CIMIP5: variants seen among roughly 807,000 people sequenced by gnomAD.
CIMIP5 encodes uncharacterized protein C2orf50.
At chr2:11,154,353 TTTTTTTCCATA>T in the CIMIP5 span, among the ~76,000 whole-genome samples, 1 of 152,132 alleles carries the variant, frequency 6.6e-6, no homozygotes, top group Non-Finnish European at 1.5e-5. Context: ...CACCTGTTTT[TTTTTTTCCATA>T]GGCGGAGGTG....
chr2:11,137,538 C>A, the CIMIP5 span, among the ~76,000 whole-genome samples: 1 of 152,140 alleles, frequency 6.6e-6, no homozygotes, highest in South Asian at 2.1e-4. Context: ...AGAAACTGAA[C>A]AAGAAGGTCC....
the CIMIP5 span, chr2:11,133,342 G>A: frequency 2.2e-4 from 354 of 1,581,784 alleles, no homozygotes; most frequent in Non-Finnish European, 3.0e-4. Context: ...ACCATGGGGA[G>A]CCACCCCACC....
chr2:11,152,511 A>G, the CIMIP5 span, among the ~76,000 whole-genome samples: 4 of 152,242 alleles, frequency 2.6e-5, no homozygotes, highest in African/African-American at 4.8e-5. Context: ...GGTGGTTTCA[A>G]TGAGACTCCT....
the CIMIP5 span, among the ~76,000 whole-genome samples, chr2:11,137,382 A>C: frequency 3.7e-3 from 557 of 150,776 alleles, 2 homozygotes; most frequent in African/African-American, 0.013. Context: ...TCAAAAAAAA[A>C]CAAAAAACAA....
the CIMIP5 span, chr2:11,143,869 G>T: frequency 2.8e-6 from 4 of 1,443,592 alleles, no homozygotes; most frequent in Non-Finnish European, 3.7e-6. Context: ...CCCATTCTAA[G>T]GTCCTCCTTT....
chr2:11,143,957 T>A, the CIMIP5 span: 2 of 1,603,308 alleles, frequency 1.2e-6, no homozygotes, highest in South Asian at 2.3e-5. Flanking sequence ...CCAGACCATG[T>A]GCCTCTCTTT....
the CIMIP5 span, among the ~76,000 whole-genome samples, chr2:11,149,273 T>G: frequency 6.8e-6 from 1 of 148,130 alleles, no homozygotes; most frequent in African/African-American, 2.5e-5. Flanking sequence ...TGTGGTTCAC[T>G]GAGGACAACG....
the CIMIP5 span, chr2:11,146,621 G>A: frequency 6.6e-6 from 1 of 152,236 alleles, no homozygotes; most frequent in Admixed American, 6.5e-5. Flanking sequence ...ACTGTGTGAT[G>A]GAGCAGACCA....
chr2:11,144,657 C>G, the CIMIP5 span: 1 of 143,098 alleles, frequency 7.0e-6, no homozygotes. Flanking sequence ...GGGGAAGAAT[C>G]TATTTCCACA....
At chr2:11,143,012 A>AC in the CIMIP5 span, among the ~76,000 whole-genome samples, 2 of 152,178 alleles carry the variant, frequency 1.3e-5, no homozygotes, top group Admixed American at 1.3e-4. Flanking sequence ...CCATCAGATT[A>AC]CATTTAGTCA....
chr2:11,146,618 G>A, the CIMIP5 span: 1 of 152,282 alleles, frequency 6.6e-6, no homozygotes, highest in Non-Finnish European at 1.5e-5. Flanking sequence ...GCGACTGTGT[G>A]ATGGAGCAGA....
chr2:11,135,666 G>T, the CIMIP5 span, among the ~76,000 whole-genome samples: 1,052 of 47,400 alleles, frequency 0.022, 11 homozygotes, highest in African/African-American at 0.093. Context: ...GGGTTTTTTT[G>T]GTTTTTTTTT....
chr2:11,137,182 G>A, the CIMIP5 span, among the ~76,000 whole-genome samples: 20 of 152,170 alleles, frequency 1.3e-4, no homozygotes, highest in Non-Finnish European at 4.4e-5. Context: ...AGACTAGCCT[G>A]GCCAACATGG....
chr2:11,133,394 C>A, the CIMIP5 span: 5 of 1,612,350 alleles, frequency 3.1e-6, no homozygotes, highest in Admixed American at 8.3e-5. Context: ...ACCGATTGCC[C>A]CCCACCAGGC....
At chr2:11,150,661 G>T in the CIMIP5 span, among the ~76,000 whole-genome samples, 2 of 151,420 alleles carry the variant, frequency 1.3e-5, no homozygotes, top group Non-Finnish European at 2.9e-5. Flanking sequence ...TAATGAAGGT[G>T]GGGGAATGGC....
the CIMIP5 span, among the ~76,000 whole-genome samples, chr2:11,138,879 T>C: frequency 6.6e-6 from 1 of 152,184 alleles, no homozygotes; most frequent in African/African-American, 2.4e-5. Context: ...CCTGTGGAAC[T>C]GTTAGCCAAT....
the CIMIP5 span, among the ~76,000 whole-genome samples, chr2:11,150,367 C>G: frequency 6.6e-6 from 1 of 151,018 alleles, no homozygotes; most frequent in Non-Finnish European, 1.5e-5. Flanking sequence ...GAGTCTCGCT[C>G]TATCACCCAG....
the CIMIP5 span, among the ~76,000 whole-genome samples, chr2:11,141,613 T>C: frequency 6.6e-6 from 1 of 152,170 alleles, no homozygotes. Flanking sequence ...TTCACCAGCA[T>C]ATCTCACCCG....
the CIMIP5 span, among the ~76,000 whole-genome samples, chr2:11,154,448 C>T: frequency 4.6e-5 from 7 of 152,210 alleles, no homozygotes; most frequent in Non-Finnish European, 7.3e-5. Context: ...GCTCCCGTCC[C>T]TCACACTTCC....
Sources: allele counts gnomAD v4.1 joint callset (sites outside exome capture counted in the v4.1 genomes callset), GRCh38; gene constraint gnomAD v4.1.1; transcripts MANE v1.5; gene names NCBI Gene and HGNC (gene_info 2026-07-23, HGNC 2026-07-21).